SLC2A5: variants seen among roughly 807,000 people sequenced by gnomAD.
SLC2A5 encodes the protein solute carrier family 2 member 5.
SLC2A5 carries 56 observed loss-of-function variants against 50.3 expected under a neutral mutation model. The ratio of observed to expected loss-of-function variants is 1.11; its 90% CI spans 0.90 to 1.39. The LOEUF is 1.39. Ranked by LOEUF, SLC2A5 falls within the 40% of genes most tolerant of loss-of-function variation. SLC2A5 has a pLI of 0.00. For synonymous variants in SLC2A5, 269 were observed against 281.9 expected, an observed-to-expected ratio of 0.95 and a Z score of 0.46; for missense variants, 566 against 650.1, an observed-to-expected ratio of 0.87 and a Z score of 1.41.
upstream of SLC2A5, chr1:9,073,176 A>T (rs1435208224): frequency 6.6e-6 from 1 of 152,178 alleles, no homozygotes; most frequent in East Asian, 1.9e-4. Flanking sequence ...ATGTTCTAGA[A>T]TTTTAAAGTT....
At chr1:9,072,138 G>T (rs1314524814), upstream of SLC2A5, 3 of 152,482 alleles carry the variant, frequency 2.0e-5, no homozygotes, top group East Asian at 3.9e-4. Context: ...CGTGGCGGGC[G>T]GACCAGCCTC....
At chr1:9,072,664 A>G (rs1220437116), upstream of SLC2A5, among the ~76,000 whole-genome samples, 2 of 152,018 alleles carry the variant, frequency 1.3e-5, no homozygotes, top group East Asian at 1.9e-4. Context: ...GTTATAATAA[A>G]ACACAACTAG....
chr1:9,057,929 C>A (rs1641805067), intron 2 of SLC2A5, among the ~76,000 whole-genome samples: 1 of 152,216 alleles, frequency 6.6e-6, no homozygotes, highest in African/African-American at 2.4e-5. Flanking sequence ...AAGATCTGAG[C>A]CCCCTCCTAG....
Position 9,040,269 on chromosome 1 carries a change from C to G in SLC2A5, c.572-80G>C. The G allele has an allele frequency of 6.7e-7, 1 of 1,491,356 alleles. No individual in the cohort carries two copies. Among genetic ancestry groups the G allele is most frequent in the Middle Eastern group, 2.4e-4 (1 of 4,170 alleles). 92.4% of individuals were successfully genotyped at this position (1,491,356 alleles called of 1,614,324 possible). On this transcript the variant is annotated intron_variant, in intron 5 of 11. Coordinates refer to ENST00000377424, the MANE Select transcript of SLC2A5 (RefSeq NM_003039.3). The surrounding 1 kb of genome is among the most constrained non-coding windows in gnomAD (Gnocchi z 4.3). ...CCCTCTGCAGAGCCGGCCCCAGCCCCGTCATCCTGAGTGGGGTGCAGGCTC... is the reference window on the plus strand; with the variant it reads ...CCCTCTGCAGAGCCGGCCCCAGCCCGGTCATCCTGAGTGGGGTGCAGGCTC...
chr1:9,060,086 T>TACACACACAC (rs879348316), intron 1 of SLC2A5, among the ~76,000 whole-genome samples: 3 of 92,388 alleles, frequency 3.2e-5, no homozygotes, highest in African/African-American at 1.2e-4. Context: ...ACACACACAC[T>TACACACACAC]ACACACACAA....
chr1:9,037,765 T>C lies in SLC2A5; in HGVS notation c.1327A>G (p.Ile443Val), dbSNP rs1278608937. ...IQEGLGPYSF[I>V]VFAVICLLTT... ...AGGAGGCAGATCACGGCGAAGACAATGAAGCTGTACGGGCCGAGGCCCTCC... is the reference window on the plus strand; with the variant it reads ...AGGAGGCAGATCACGGCGAAGACAACGAAGCTGTACGGGCCGAGGCCCTCC... The change falls in exon 12 of 12, where the codon ATT becomes GTT. Residue 443 changes from isoleucine (I) to valine (V), a missense_variant. Physicochemically the swap from Ile to Val is conservative, Grantham distance 29. Transcript: ENST00000377424. 1.2e-6 allele frequency: 2 copies of C among 1,614,102 alleles called. No homozygotes were observed. Among genetic ancestry groups the C allele is most frequent in the East Asian group, 4.5e-5 (2 of 44,882 alleles).
At chr1:9,059,724 G>T (rs185041772) in intron 1 of SLC2A5, among the ~76,000 whole-genome samples, 1 of 150,896 alleles carries the variant, frequency 6.6e-6, no homozygotes, top group African/African-American at 2.4e-5. Context: ...ATAGAGACAG[G>T]GGTCTCATTA....
At chr1:9,064,213 A>G (rs534392609) in intron 1 of SLC2A5, among the ~76,000 whole-genome samples, 2 of 152,288 alleles carry the variant, frequency 1.3e-5, no homozygotes, top group African/African-American at 2.4e-5. Context: ...TAAAAGGCAC[A>G]TAGTAGAAAG....
chr1:9,076,568 G>T (rs562881167), intron 2 of SLC2A5, among the ~76,000 whole-genome samples: 2 of 152,258 alleles, frequency 1.3e-5, no homozygotes, highest in African/African-American at 4.8e-5. Context: ...ACAAAACGGG[G>T]TTGCTATCAA....
Position 9,069,558 on chromosome 1 carries a change from T to G in SLC2A5, c.-22A>C. ...CCATGCTTGCTCTGGAAGGGCAGAG[T>G]GCCGCTCACCTCCTTTTAGCCAAAG... On this transcript the variant is annotated 5_prime_UTR_variant, in exon 1 of 12. Transcript: ENST00000377424. 1 of 1,613,946 alleles carries G rather than the reference T, an allele frequency of 6.2e-7. No individual in the cohort carries two copies. The highest frequency in any genetic ancestry group is 2.2e-5 in the East Asian group (1 of 44,888).
intron 3 of SLC2A5, among the ~76,000 whole-genome samples, chr1:9,050,001 G>C (rs1012921189): frequency 3.3e-5 from 5 of 152,108 alleles, no homozygotes; most frequent in African/African-American, 4.8e-5. Flanking sequence ...GCCAGGCGCA[G>C]TGGCTCACGC....
intron 1 of SLC2A5, among the ~76,000 whole-genome samples, chr1:9,087,246 C>T (rs1642412321): frequency 6.6e-6 from 1 of 151,308 alleles, no homozygotes; most frequent in African/African-American, 2.4e-5. Flanking sequence ...GCTCTGTCGC[C>T]CAGGCTGGAG....
Position 9,036,342 on chromosome 1 carries a change from A to C in SLC2A5, c.*1244T>G, listed in dbSNP as rs1158657707. 6.6e-6 allele frequency: 1 copy of C among 152,102 alleles called. No homozygotes were observed. Among genetic ancestry groups the C allele is most frequent in the African/African-American group, 2.4e-5 (1 of 41,392 alleles). The allele number at this position is 152,102 out of a possible 1,614,324, so 9.4% of individuals were successfully genotyped here. ...AGGCGTGTCACCATGCCCAATTAAA[A>C]AAATTTTTTTTGAGATGGGATCTCA... On this transcript the variant is annotated 3_prime_UTR_variant, in exon 12 of 12. Transcript: ENST00000377424.
intron 4 of SLC2A5, among the ~76,000 whole-genome samples, chr1:9,046,657 C>A (rs1412967279): frequency 7.2e-6 from 1 of 139,652 alleles, no homozygotes; most frequent in African/African-American, 2.7e-5. Flanking sequence ...CCACTGCAAC[C>A]TGGTTCTCGT....
chr1:9,078,298 C>G (rs1642314999), intron 2 of SLC2A5, among the ~76,000 whole-genome samples: 1 of 152,188 alleles, frequency 6.6e-6, no homozygotes, highest in African/African-American at 2.4e-5. Context: ...CACATCCTTT[C>G]ATCAGCAAGG....
At chr1:9,052,584 C>T (rs959844903) in intron 3 of SLC2A5, among the ~76,000 whole-genome samples, 1 of 152,120 alleles carries the variant, frequency 6.6e-6, no homozygotes, top group African/African-American at 2.4e-5. Context: ...ATGCAGGTCT[C>T]ATCATTTGTA....
chr1:9,061,329 A>T (rs1641939090), intron 1 of SLC2A5, among the ~76,000 whole-genome samples: 1 of 125,224 alleles, frequency 8.0e-6, no homozygotes, highest in South Asian at 2.7e-4. Flanking sequence ...TCTGAGTGTG[A>T]TGGCAAACAC....
At chr1:9,056,895 G>C (rs979383536) in intron 3 of SLC2A5, among the ~76,000 whole-genome samples, 1 of 152,138 alleles carries the variant, frequency 6.6e-6, no homozygotes, top group African/African-American at 2.4e-5. Flanking sequence ...GTCTGCCCGA[G>C]GGCCTGTAGA....
Position 9,039,939 on chromosome 1 carries a change from T to C in SLC2A5, c.746A>G (p.Glu249Gly). ...CTCTGCCTCATCCTCCTGCCGGATC[T>C]CGGCCACCTCCCTGTCCACAGAGTC... Reference protein sequence around the residue: ...GWDSVDREVAEIRQEDEAEKA... With the variant: ...GWDSVDREVAGIRQEDEAEKA... Residue 249 changes from glutamate (E) to glycine (G), a missense_variant, in exon 7 of 12, where the codon GAG (glutamate) becomes GGG (glycine). Physicochemically the swap from Glu to Gly is moderately conservative, Grantham distance 98. Coordinates refer to ENST00000377424, the MANE Select transcript of SLC2A5 (RefSeq NM_003039.3). 6.2e-7 allele frequency: 1 copy of C among 1,612,874 alleles called. No individual in the cohort carries two copies. The highest frequency in any genetic ancestry group is 8.5e-7 in the Non-Finnish European group (1 of 1,179,750).
Sources: allele counts gnomAD v4.1 joint callset (sites outside exome capture counted in the v4.1 genomes callset), GRCh38; gene constraint gnomAD v4.1.1; non-coding constraint Gnocchi (gnomAD v3.1); transcripts MANE v1.5; gene names NCBI Gene and HGNC (gene_info 2026-07-23, HGNC 2026-07-21).